Variants in MASTL observed in about 807,000 individuals in gnomAD.
MASTL encodes the protein serine/threonine-protein kinase greatwall.
MASTL carries 54 observed loss-of-function variants against 82.5 expected under a neutral mutation model. The observed-to-expected ratio is 0.65, with a 90% confidence interval of 0.53 to 0.82. MASTL has a LOEUF of 0.82. Ranked by LOEUF, MASTL falls within the 40% of genes least tolerant of loss-of-function variation. The probability of loss-of-function intolerance (pLI) is 0.00; values close to 1 mark genes in which losing one functional copy is unlikely to be tolerated. For missense variants in MASTL, 950 were observed against 1,047.8 expected (o/e 0.91, Z 1.29); for synonymous variants, 323 against 368.9 (o/e 0.88, Z 1.43).
At chr10:27,164,991 C>T (rs1227423570) in intron 4 of MASTL, 73 bp from the exon 5 acceptor site, 4 of 992,024 alleles carry the variant, frequency 4.0e-6, no homozygotes, top group African/African-American at 3.2e-5. Context: ...TTGTCATATA[C>T]ATAACATTCA....
rs2057490762 is a variant in MASTL at position 27,159,203 on chromosome 10, A to G, written c.325-416A>G. ...ACTCTGCACCTCCTGGGTTCAAGCA[A>G]TTCTTGTGCCTCAACCTCCCAAGTA... On this transcript the variant is annotated intron_variant, in intron 2 of 11. Transcript: ENST00000375940. The surrounding 1 kb of genome is among the most constrained non-coding windows in gnomAD (Gnocchi z 4.0). 6.6e-6 allele frequency among the ~76,000 whole-genome samples: 1 copy of G among 152,140 alleles called. No individual in the cohort carries two copies. The highest frequency in any genetic ancestry group is 2.1e-4 in the South Asian group (1 of 4,830).
Position 27,186,656 on chromosome 10 carries a change from C to A in MASTL, c.*120C>A. ...TCATTATTTAACCTAGTTCAATGTGCTTTTAATGTACGTTACAGCTTTCAC... is the reference window on the plus strand; with the variant it reads ...TCATTATTTAACCTAGTTCAATGTGATTTTAATGTACGTTACAGCTTTCAC... On this transcript the variant is annotated 3_prime_UTR_variant, in exon 12 of 12. Coordinates refer to ENST00000375940, the MANE Select transcript of MASTL (RefSeq NM_001172303.3). 1 of 938,680 alleles carries A rather than the reference C, an allele frequency of 1.1e-6. No individual in the cohort carries two copies. Among genetic ancestry groups the A allele is most frequent in the Non-Finnish European group, 1.7e-6 (1 of 576,372 alleles). 58.1% of individuals were successfully genotyped at this position (938,680 alleles called of 1,614,324 possible).
intron 9 of MASTL, among the ~76,000 whole-genome samples, chr10:27,174,946 T>G (rs528334046): frequency 5.3e-5 from 8 of 151,906 alleles, no homozygotes; most frequent in Admixed American, 5.3e-4. Flanking sequence ...GTTAGTTACT[T>G]CCCTTTTCTT....
chr10:27,161,093 G>A lies in MASTL; in HGVS notation c.465-1G>A. The A allele has an allele frequency of 6.2e-7, 1 of 1,607,414 alleles. No homozygotes were observed. Among genetic ancestry groups the A allele is most frequent in the East Asian group, 2.2e-5 (1 of 44,826 alleles). On this transcript the variant is annotated splice_acceptor_variant, in intron 3 of 11. Transcript: ENST00000375940. LOFTEE classifies it high-confidence loss of function. Reference sequence around the variant, plus strand: ...CTAATATTTGCCTTTTGTGTGTGCAGGGACTTGAAACCGGACAATATGCTT... The same window carrying A: ...CTAATATTTGCCTTTTGTGTGTGCAAGGACTTGAAACCGGACAATATGCTT...
intron 11 of MASTL, among the ~76,000 whole-genome samples, chr10:27,182,246 C>CA (rs139820757): frequency 0.68 from 92,254 of 135,190 alleles, 30,486 homozygotes; most frequent in Non-Finnish European, 0.7. Context: ...GACTCTGTCT[C>CA]AAAAAAAAAA....
chr10:27,160,778 A>G (rs2057546366), intron 3 of MASTL, among the ~76,000 whole-genome samples: 1 of 152,080 alleles, frequency 6.6e-6, no homozygotes, highest in Non-Finnish European at 1.5e-5. Flanking sequence ...GAAAAAAAAG[A>G]AAGTAAATGT....
At position 27,170,806 on chromosome 10, in the gene MASTL, A is replaced by G. The variant is rs753058910; in HGVS notation, c.1847A>G (p.Glu616Gly). 6.2e-7 allele frequency: 1 copy of G among 1,614,184 alleles called. No homozygotes were observed. The highest frequency in any genetic ancestry group is 2.2e-5 in the East Asian group (1 of 44,872). ...DPLIVTPDCQ[E>G]KTSPKGVENP... is the part of the protein sequence containing the mutation. ...CTTATTGTAACACCAGATTGCCAAGAAAAGACCTCACCAAAAGGTGTCGAG... is the reference window on the plus strand; with the variant it reads ...CTTATTGTAACACCAGATTGCCAAGGAAAGACCTCACCAAAAGGTGTCGAG... Residue 616 changes from glutamate (E) to glycine (G), a missense_variant, in exon 8 of 12, where the codon GAA becomes GGA. Coordinates refer to ENST00000375940, the MANE Select transcript of MASTL (RefSeq NM_001172303.3).
intron 11 of MASTL, among the ~76,000 whole-genome samples, chr10:27,182,905 C>A (rs1181935089): frequency 6.6e-6 from 1 of 151,990 alleles, no homozygotes; most frequent in African/African-American, 2.4e-5. Context: ...ACCTCAGCCT[C>A]CCCAAAATGC....
At chr10:27,174,652 T>C (rs537433338) in intron 9 of MASTL, among the ~76,000 whole-genome samples, 1 of 152,126 alleles carries the variant, frequency 6.6e-6, no homozygotes, top group African/African-American at 2.4e-5. Flanking sequence ...TCAGTGTTCC[T>C]TGACTTGAAG....
At chr10:27,182,115 G>C (rs563969435) in intron 11 of MASTL, among the ~76,000 whole-genome samples, 1 of 151,072 alleles carries the variant, frequency 6.6e-6, no homozygotes, top group Non-Finnish European at 1.5e-5. Context: ...GCCCAGCGTG[G>C]TGGCGTGCAC....
Position 27,177,203 on chromosome 10 carries a change from A to G in MASTL, c.2267-3750A>G, listed in dbSNP as rs1055604159. Among the ~76,000 whole-genome samples, 3 of 152,164 alleles carry G rather than the reference A, an allele frequency of 2.0e-5. No homozygotes were observed. In the East Asian group the frequency reaches 5.8e-4, roughly 29 times the overall value. ...ACTCCTGAATTCCTTGGAAGCACTCAGTAACTGATATTAATAATCTCTACA... is the reference window on the plus strand; with the variant it reads ...ACTCCTGAATTCCTTGGAAGCACTCGGTAACTGATATTAATAATCTCTACA... On this transcript the variant is annotated intron_variant, in intron 9 of 11. Coordinates refer to ENST00000375940, the MANE Select transcript of MASTL (RefSeq NM_001172303.3).
chr10:27,179,811 C>T (rs577912643), intron 9 of MASTL, among the ~76,000 whole-genome samples: 3 of 152,276 alleles, frequency 2.0e-5, no homozygotes, highest in Non-Finnish European at 4.4e-5. Flanking sequence ...ATAAATGTTG[C>T]TGCCTTATCT....
chr10:27,155,194 G>A (rs942461158), upstream of MASTL: 5 of 572,584 alleles, frequency 8.7e-6, no homozygotes, highest in African/African-American at 7.5e-5. Flanking sequence ...GAGGAATGAT[G>A]TCAGTGGGGC....
At chr10:27,165,862 T>C (rs1316527735) in intron 6 of MASTL, among the ~76,000 whole-genome samples, 2 of 149,392 alleles carry the variant, frequency 1.3e-5, no homozygotes, top group Non-Finnish European at 3.0e-5. Flanking sequence ...AATAGCGCCA[T>C]TGCACTCCAG....
chr10:27,169,652 A>G (rs993398788), intron 7 of MASTL, among the ~76,000 whole-genome samples: 1 of 152,150 alleles, frequency 6.6e-6, no homozygotes, highest in Non-Finnish European at 1.5e-5. Flanking sequence ...ATGTGCCTGA[A>G]TATGTTGCCT....
At chr10:27,181,602 A>G (rs1564505938) in intron 11 of MASTL, 21 bp downstream of exon 11, 4 of 1,534,880 alleles carry the variant, frequency 2.6e-6, no homozygotes, top group Middle Eastern at 1.7e-4. Context: ...GTGTTAATAC[A>G]TTGTTTTACC....
intron 1 of MASTL, among the ~76,000 whole-genome samples, chr10:27,156,989 G>A (rs1053817044): frequency 1.3e-5 from 2 of 151,332 alleles, no homozygotes; most frequent in African/African-American, 2.4e-5. Context: ...TTTTAGTAGA[G>A]ACGGGGTTTC....
At chr10:27,186,245 C>T in intron 11 of MASTL, 134 bp from the exon 12 acceptor site, 2 of 928,648 alleles carry the variant, frequency 2.2e-6, no homozygotes, top group Non-Finnish European at 3.4e-6. Flanking sequence ...AGACATTAAA[C>T]AAATGTCTGT....
At chr10:27,182,807 G>A (rs1469855598) in intron 11 of MASTL, among the ~76,000 whole-genome samples, 4 of 145,412 alleles carry the variant, frequency 2.8e-5, no homozygotes, top group African/African-American at 1.0e-4. Context: ...TTTAACATAC[G>A]TTATTATTGC....
Sources: allele counts gnomAD v4.1 joint callset (sites outside exome capture counted in the v4.1 genomes callset), GRCh38; gene constraint gnomAD v4.1.1; non-coding constraint Gnocchi (gnomAD v3.1); transcripts MANE v1.5; gene names NCBI Gene and HGNC (gene_info 2026-07-23, HGNC 2026-07-21).